SDK1: variants seen among roughly 807,000 people sequenced by gnomAD.
The protein encoded by SDK1 is sidekick cell adhesion molecule 1, also known as protein sidekick-1.
In SDK1, 157 loss-of-function variants were observed where a neutral mutation model predicts 245.5. The ratio of observed to expected loss-of-function variants is 0.64; its 90% confidence interval spans 0.56 to 0.73. The LOEUF is 0.73. Ranked by LOEUF, SDK1 falls within the 30% of genes least tolerant of loss-of-function variation. The pLI, the probability that SDK1 is intolerant of heterozygous loss-of-function variation, is 0.00. For missense variants in SDK1, 3,583 were observed against 3,002.3 expected (o/e 1.19, Z -4.52); for synonymous variants, 1,647 against 1,278.5 (o/e 1.29, Z -6.15).
intron 5 of SDK1, among the ~76,000 whole-genome samples, chr7:3,825,869 C>T (rs535932006): frequency 3.9e-4 from 59 of 152,224 alleles, no homozygotes; most frequent in African/African-American, 1.2e-3. Context: ...TGACTTGGCT[C>T]GGGTTCCTAA....
chr7:3,951,110 C>A, intron 6 of SDK1, 76 bp downstream of exon 6: 1 of 1,111,774 alleles, frequency 9.0e-7, no homozygotes, highest in Non-Finnish European at 1.4e-6. Context: ...GAAGGATACA[C>A]TGGAGCATGA....
In SDK1 at chr7:4,089,170, C is replaced by T. The variant is rs563386168; in HGVS notation, c.3324+9586C>T. On this transcript the variant is annotated intron_variant, in intron 22 of 44. Transcript: ENST00000404826. The stretch of plus-strand genomic sequence containing the variant: ...CTCCTTCAGGTGGAGGTGCGACCCT[C>T]GTGGGCATCTGCAGGATGAGGTCTC... Among the ~76,000 whole-genome samples, 5 of 151,330 alleles carry T rather than the reference C, an allele frequency of 3.3e-5. No individual in the cohort carries two copies. The East Asian group carries it at 9.8e-4, about 30-fold the overall frequency.
chr7:4,091,266 C>G (rs982325758), intron 22 of SDK1, among the ~76,000 whole-genome samples: 1 of 151,746 alleles, frequency 6.6e-6, no homozygotes, highest in African/African-American at 2.4e-5. Context: ...ATGATCCTTA[C>G]TGGGGCATTC....
rs765428605 is a variant in SDK1, at chr7:4,149,366, C to T, written c.4528C>T (p.Arg1510Trp). The T allele has an allele frequency of 5.0e-6, 8 of 1,592,078 alleles. No homozygotes were observed. Among genetic ancestry groups the T allele is most frequent in the Admixed American group, 1.8e-5 (1 of 57,036 alleles). Reference sequence around the variant, plus strand: ...GGGCAGCGACGGGGCCTCCCCCATCCGGTACTTCACCATGCAGGTGCGAGA... The same window carrying T: ...GGGCAGCGACGGGGCCTCCCCCATCTGGTACTTCACCATGCAGGTGCGAGA... ...VPGSDGASPI[R>W]YFTMQVRELP... The change falls in exon 30 of 45, where the codon CGG (arginine) becomes TGG (tryptophan). Residue 1510 changes from arginine to tryptophan, a missense_variant. Arg to Trp is a moderately radical substitution (Grantham distance 101, BLOSUM62 -3). Transcript: ENST00000404826.
Position 3,974,505 on chromosome 7 carries a change from G to A in SDK1, c.1954G>A (p.Glu652Lys). Residue 652 changes from glutamate (E) to lysine (K), a missense_variant, in exon 13 of 45, where the codon GAA becomes AAA. By Grantham distance (56) the Glu-to-Lys change is moderately conservative. Transcript: ENST00000404826. ...IGDYSCEIVS[E>K]GGNDSRMARL... ...TGACTACAGCTGCGAGATTGTTTCT[G>A]AAGGAGGGAATGACTCCAGGATGGC... The A allele has an allele frequency of 6.2e-7, 1 of 1,614,164 alleles. No individual in the cohort carries two copies. Among genetic ancestry groups the A allele is most frequent in the African/African-American group, 1.3e-5 (1 of 75,034 alleles).
chr7:3,548,387 T>A (rs1042966431), intron 1 of SDK1, among the ~76,000 whole-genome samples: 1 of 152,212 alleles, frequency 6.6e-6, no homozygotes, highest in Non-Finnish European at 1.5e-5. Flanking sequence ...GTCTTAAACC[T>A]GGGTCTGTCT....
chr7:4,253,290 C>T (rs1787427968), intron 44 of SDK1, among the ~76,000 whole-genome samples: 1 of 152,078 alleles, frequency 6.6e-6, no homozygotes, highest in Non-Finnish European at 1.5e-5. Context: ...CCTCTAAGCA[C>T]TGTGTTAGCT....
At chr7:3,889,253 T>G (rs1781402491) in intron 5 of SDK1, among the ~76,000 whole-genome samples, 1 of 152,268 alleles carries the variant, frequency 6.6e-6, no homozygotes, top group Non-Finnish European at 1.5e-5. Context: ...GATAGACTCC[T>G]GTGTCCAAAG....
At chr7:3,597,229 G>A (rs185510170) in intron 1 of SDK1, among the ~76,000 whole-genome samples, 2 of 144,104 alleles carry the variant, frequency 1.4e-5, no homozygotes, top group African/African-American at 5.2e-5. Flanking sequence ...CCCAGATCGC[G>A]CCACTGCACT....
At chr7:3,763,517 C>G (rs890614293) in intron 4 of SDK1, among the ~76,000 whole-genome samples, 10 of 152,196 alleles carry the variant, frequency 6.6e-5, no homozygotes, top group Non-Finnish European at 1.5e-4. Flanking sequence ...CATTTCAAAG[C>G]TGCAGGCATC....
intron 5 of SDK1, among the ~76,000 whole-genome samples, chr7:3,910,107 G>C (rs1259154956): frequency 6.6e-6 from 1 of 152,224 alleles, no homozygotes; most frequent in Non-Finnish European, 1.5e-5. Flanking sequence ...AAAAAGTCCT[G>C]TGTGCGAATG....
chr7:3,568,714 T>C (rs1583175893), intron 1 of SDK1, among the ~76,000 whole-genome samples: 2 of 152,220 alleles, frequency 1.3e-5, no homozygotes, highest in East Asian at 3.9e-4. Flanking sequence ...GACAGATAGA[T>C]GTGGCCTTTG....
chr7:3,573,587 G>A (rs1366069407), intron 1 of SDK1, among the ~76,000 whole-genome samples: 2 of 152,016 alleles, frequency 1.3e-5, no homozygotes, highest in Non-Finnish European at 2.9e-5. Context: ...CCCAGCACCT[G>A]CTTAATGGCC....
At chr7:4,028,327 G>A (rs1175984320) in intron 17 of SDK1, among the ~76,000 whole-genome samples, 1 of 152,166 alleles carries the variant, frequency 6.6e-6, no homozygotes, top group Non-Finnish European at 1.5e-5. Context: ...TCATAGCAGA[G>A]GGCTTGTACC....
At chr7:3,827,039 C>T (rs1014577880) in intron 5 of SDK1, among the ~76,000 whole-genome samples, 1 of 152,172 alleles carries the variant, frequency 6.6e-6, no homozygotes, top group African/African-American at 2.4e-5. Context: ...CTCTTTCCAT[C>T]CCAAGGTGTC....
chr7:4,143,673 G>A (rs1012591550), intron 28 of SDK1, among the ~76,000 whole-genome samples: 1 of 152,184 alleles, frequency 6.6e-6, no homozygotes, highest in Non-Finnish European at 1.5e-5. Flanking sequence ...CCTGGGGTCC[G>A]TGGTTCCGAG....
intron 14 of SDK1, among the ~76,000 whole-genome samples, chr7:3,995,271 C>G (rs970482188): frequency 6.6e-6 from 1 of 152,198 alleles, no homozygotes; most frequent in African/African-American, 2.4e-5. Context: ...ATCCTGTCCC[C>G]CTCTGCCTTT....
intron 4 of SDK1, among the ~76,000 whole-genome samples, chr7:3,767,207 G>T (rs1489663708): frequency 6.6e-6 from 1 of 152,098 alleles, no homozygotes; most frequent in Non-Finnish European, 1.5e-5. Context: ...TGGAGGGAGG[G>T]GTGGGCCCTC....
intron 32 of SDK1, among the ~76,000 whole-genome samples, chr7:4,162,185 C>T (rs763223501): frequency 9.2e-5 from 14 of 151,980 alleles, no homozygotes; most frequent in Non-Finnish European, 1.8e-4. Flanking sequence ...TCACCGAGGA[C>T]GTTGGAGCAA....
Sources: allele counts gnomAD v4.1 joint callset (sites outside exome capture counted in the v4.1 genomes callset), GRCh38; gene constraint gnomAD v4.1.1; transcripts MANE v1.5; gene names NCBI Gene and HGNC (gene_info 2026-07-23, HGNC 2026-07-21).